Variants in SGCZ observed in about 807,000 individuals in gnomAD.
The protein encoded by SGCZ is sarcoglycan zeta.
Under a neutral mutation model 41.3 loss-of-function variants are expected in SGCZ, and 40 were observed. That is an observed-to-expected ratio of 0.97 (90% confidence interval 0.75 to 1.26). The LOEUF is 1.26. SGCZ is among the 50% of genes most tolerant of loss of function. SGCZ has a pLI of 0.00. For missense variants in SGCZ, 552 were observed against 369.8 expected (o/e 1.49, Z -4.04); for synonymous variants, 206 against 137.5 (o/e 1.50, Z -3.49).
intron 3 of SGCZ, among the ~76,000 whole-genome samples, chr8:14,282,097 G>A (rs1800464701): frequency 6.7e-6 from 1 of 150,156 alleles, no homozygotes; most frequent in African/African-American, 2.5e-5. Context: ...TCAAAACAAG[G>A]AATTTAATAA....
At chr8:14,429,349 C>A (rs1291131724) in intron 2 of SGCZ, among the ~76,000 whole-genome samples, 1 of 152,098 alleles carries the variant, frequency 6.6e-6, no homozygotes, top group Admixed American at 6.6e-5. Flanking sequence ...GGCATAAAGC[C>A]TGGGCTATCA....
chr8:14,425,313 G>A (rs530389565), intron 2 of SGCZ, among the ~76,000 whole-genome samples: 4 of 152,206 alleles, frequency 2.6e-5, no homozygotes, highest in African/African-American at 9.6e-5. Context: ...GTGCTGTGAT[G>A]TAAAAAATTT....
At chr8:14,262,053 G>A (rs1044106271) in intron 3 of SGCZ, among the ~76,000 whole-genome samples, 3 of 152,134 alleles carry the variant, frequency 2.0e-5, no homozygotes, top group Non-Finnish European at 4.4e-5. Flanking sequence ...ATACAGTATA[G>A]TTTTTGAGAG....
At position 15,097,771 on chromosome 8, in the gene SGCZ, T is replaced by C. The variant is rs868359299; in HGVS notation, c.39+139814A>G. On this transcript the variant is annotated intron_variant, in intron 1 of 7. Transcript: ENST00000382080. ...ATATACACGTATATATGTGTTTATA[T>C]ATATATATACGTGTATATATATATA... Among the ~76,000 whole-genome samples, 193 of 141,936 alleles carry C rather than the reference T, an allele frequency of 1.4e-3. 6 individuals are homozygous for C. The South Asian group carries it at 0.014, about 10-fold the overall frequency. The allele number at this position is 141,936 out of a possible 152,430, so 93.1% of individuals were successfully genotyped here.
intron 2 of SGCZ, among the ~76,000 whole-genome samples, chr8:14,421,144 C>T (rs1241725884): frequency 6.6e-6 from 1 of 152,042 alleles, no homozygotes; most frequent in Non-Finnish European, 1.5e-5. Context: ...AGGATTATGT[C>T]AGAATGCCTT....
chr8:14,179,837 G>C (rs190277336), intron 4 of SGCZ, among the ~76,000 whole-genome samples: 68 of 151,946 alleles, frequency 4.5e-4, no homozygotes, highest in African/African-American at 1.5e-3. Flanking sequence ...TTCCTCACTT[G>C]GTATAAACCC....
chr8:14,632,570 T>C (rs1806693452), intron 1 of SGCZ, among the ~76,000 whole-genome samples: 1 of 151,876 alleles, frequency 6.6e-6, no homozygotes, highest in South Asian at 2.1e-4. Context: ...AAAAAATAAA[T>C]TGAAAGAATT....
At chr8:14,375,388 A>C (rs1804080373) in intron 2 of SGCZ, among the ~76,000 whole-genome samples, 1 of 152,206 alleles carries the variant, frequency 6.6e-6, no homozygotes, top group Admixed American at 6.5e-5. Context: ...ATATGTGAGA[A>C]TAAAGAAGGC....
At chr8:14,476,920 T>G (rs1221932433) in intron 2 of SGCZ, among the ~76,000 whole-genome samples, 9 of 152,126 alleles carry the variant, frequency 5.9e-5, no homozygotes, top group African/African-American at 2.2e-4. Flanking sequence ...ACTATTACAT[T>G]CCCCTCGTTG....
chr8:15,004,649 C>T (rs1432374922), intron 1 of SGCZ, among the ~76,000 whole-genome samples: 2 of 152,160 alleles, frequency 1.3e-5, no homozygotes, highest in African/African-American at 4.8e-5. Flanking sequence ...CATTTTCCTT[C>T]AGTAAATTTT....
chr8:14,220,774 G>A (rs918184599), intron 4 of SGCZ, among the ~76,000 whole-genome samples: 17 of 125,526 alleles, frequency 1.4e-4, no homozygotes, highest in Admixed American at 2.8e-4. Context: ...GCGACAGAGG[G>A]ATACTCTGCC....
intron 7 of SGCZ, among the ~76,000 whole-genome samples, chr8:14,096,493 T>A (rs1049111520): frequency 3.9e-5 from 6 of 152,226 alleles, no homozygotes; most frequent in African/African-American, 1.2e-4. Context: ...GTTGTGCTGC[T>A]GGATTCGGTT....
chr8:15,175,613 T>C (rs1799973470), intron 1 of SGCZ, among the ~76,000 whole-genome samples: 1 of 152,002 alleles, frequency 6.6e-6, no homozygotes, highest in Non-Finnish European at 1.5e-5. Flanking sequence ...GATGTTGAAA[T>C]AATCTGTATA....
intron 1 of SGCZ, among the ~76,000 whole-genome samples, chr8:14,861,439 G>A (rs1359323640): frequency 1.3e-5 from 2 of 152,038 alleles, no homozygotes; most frequent in Admixed American, 6.6e-5. Context: ...GCGTATATAT[G>A]TATGAGCTAC....
Position 15,237,628 on chromosome 8 carries a change from C to A in SGCZ, c.-5G>T, listed in dbSNP as rs201750761. On this transcript the variant is annotated 5_prime_UTR_variant, in exon 1 of 8. Transcript: ENST00000382080. ...CAGGTTCGTTGATCTGTCCATGGAGCGCAACTAAACGAAGTGGAGAGGAAC... is the reference window on the plus strand; with the variant it reads ...CAGGTTCGTTGATCTGTCCATGGAGAGCAACTAAACGAAGTGGAGAGGAAC... 5.4e-5 allele frequency: 85 copies of A among 1,582,000 alleles called. No individual in the cohort carries two copies. Among genetic ancestry groups the A allele is most frequent in the Non-Finnish European group, 6.8e-5 (79 of 1,161,906 alleles).
chr8:14,445,757 G>A (rs1348870081), intron 2 of SGCZ, among the ~76,000 whole-genome samples: 1 of 152,110 alleles, frequency 6.6e-6, no homozygotes, highest in Non-Finnish European at 1.5e-5. Flanking sequence ...TGTGGCAAGG[G>A]GTCAACTGAG....
chr8:14,218,977 G>A (rs1291623673), intron 4 of SGCZ, among the ~76,000 whole-genome samples: 6 of 152,220 alleles, frequency 3.9e-5, no homozygotes, highest in East Asian at 1.9e-4. Flanking sequence ...AACGTTGACC[G>A]TTCTATGGTT....
intron 1 of SGCZ, among the ~76,000 whole-genome samples, chr8:15,028,774 C>T (rs933014148): frequency 6.6e-6 from 1 of 151,978 alleles, no homozygotes; most frequent in Non-Finnish European, 1.5e-5. Flanking sequence ...TTAAGATCTT[C>T]CTATCTAACT....
intron 1 of SGCZ, among the ~76,000 whole-genome samples, chr8:14,718,555 C>T (rs866433786): frequency 6.6e-6 from 1 of 152,030 alleles, no homozygotes. Flanking sequence ...GCTGTGGACG[C>T]AAACCCAGGA....
Sources: allele counts gnomAD v4.1 joint callset (sites outside exome capture counted in the v4.1 genomes callset), GRCh38; gene constraint gnomAD v4.1.1; transcripts MANE v1.5; gene names NCBI Gene and HGNC (gene_info 2026-07-23, HGNC 2026-07-21).